The following LPA variants were observed in gnomAD, a reference collection of about 807,000 sequenced individuals.
LPA encodes apolipoprotein(a).
Under a neutral mutation model 197.9 loss-of-function variants are expected in LPA, and 199 were observed. That is an observed-to-expected ratio of 1.01 (90% CI 0.90 to 1.13). The LOEUF is 1.13. LPA is among the 50% of genes most tolerant of loss of function. The pLI is 0.00. For missense variants in LPA, 1,853 were observed against 1,785.8 expected (o/e 1.04, Z -0.68); for synonymous variants, 715 against 639.5 (o/e 1.12, Z -1.78).
intron 1 of LPA, among the ~76,000 whole-genome samples, chr6:160,659,681 G>A (rs906476229): frequency 3.9e-5 from 6 of 152,186 alleles, no homozygotes; most frequent in Non-Finnish European, 7.3e-5. Flanking sequence ...CCTCCCCAGA[G>A]AAGCACAGAG....
At chr6:160,606,433 T>A (rs1387242028) in intron 17 of LPA, 44 bp downstream of exon 17, 2 of 1,606,148 alleles carry the variant, frequency 1.2e-6, no homozygotes, top group Non-Finnish European at 1.7e-6. Flanking sequence ...TGGCTTTTCA[T>A]CCCAGCATCG....
chr6:160,608,440 G>A (rs949608093), intron 16 of LPA, among the ~76,000 whole-genome samples: 9 of 152,076 alleles, frequency 5.9e-5, no homozygotes, highest in Admixed American at 2.0e-4. Context: ...TGTTTTTGAC[G>A]AGAATGCATT....
At chr6:160,565,017 C>T (rs970165273) in intron 28 of LPA, among the ~76,000 whole-genome samples, 9 of 152,286 alleles carry the variant, frequency 5.9e-5, no homozygotes, top group South Asian at 2.1e-4. Flanking sequence ...GTAAACAAAG[C>T]GACCAGGAAG....
At chr6:160,567,040 T>C (rs562155360) in intron 28 of LPA, among the ~76,000 whole-genome samples, 2 of 152,108 alleles carry the variant, frequency 1.3e-5, no homozygotes, top group African/African-American at 2.4e-5. Context: ...CACACAATAA[T>C]AATGGGAGAC....
intron 28 of LPA, among the ~76,000 whole-genome samples, chr6:160,576,497 TATAA>T (rs990787340): frequency 1.4e-5 from 2 of 143,296 alleles, no homozygotes; most frequent in African/African-American, 5.1e-5. Context: ...AATATTTATA[TATAA>T]ATATTTAAAA....
At chr6:160,563,791 T>C (rs1430236353) in intron 28 of LPA, among the ~76,000 whole-genome samples, 1 of 152,384 alleles carries the variant, frequency 6.6e-6, no homozygotes, top group East Asian at 1.9e-4. Flanking sequence ...ATCTTCTTGT[T>C]GCATTGATAC....
chr6:160,598,409 G>A (rs945651821), intron 20 of LPA, among the ~76,000 whole-genome samples: 3 of 152,186 alleles, frequency 2.0e-5, no homozygotes, highest in Non-Finnish European at 2.9e-5. Flanking sequence ...CATGGCTACA[G>A]TCAGCTTGGG....
chr6:160,606,960 G>A (rs1249892307), intron 16 of LPA, among the ~76,000 whole-genome samples: 2 of 152,058 alleles, frequency 1.3e-5, no homozygotes, highest in Admixed American at 6.5e-5. Flanking sequence ...TCTGCCTTCT[G>A]CCCAATCCAT....
At chr6:160,634,549 C>T (rs1460008343) in intron 7 of LPA, among the ~76,000 whole-genome samples, 1 of 142,208 alleles carries the variant, frequency 7.0e-6, no homozygotes. Context: ...CTCACAGGTA[C>T]AAGTGCCATC....
At chr6:160,542,842 G>A in intron 33 of LPA, 34 bp from the exon 34 acceptor site, 3 of 1,613,368 alleles carry the variant, frequency 1.9e-6, no homozygotes, top group Non-Finnish European at 8.5e-7. Flanking sequence ...AGTCGCATTT[G>A]AGTCCAAGTT....
intron 26 of LPA, among the ~76,000 whole-genome samples, chr6:160,581,244 T>C (rs574496710): frequency 1.5e-4 from 23 of 152,296 alleles, no homozygotes; most frequent in Non-Finnish European, 2.8e-4. Flanking sequence ...AAATTTATGC[T>C]GACCCTTTTC....
In LPA at chr6:160,593,919, G is replaced by T. The variant is rs755560331; in HGVS notation, c.3629+39C>A. 2.5e-6 allele frequency: 4 copies of T among 1,610,688 alleles called. No homozygotes were observed. In the East Asian group the frequency reaches 8.9e-5, roughly 36 times the overall value. ...TGGCCCTTCCAAGAGAAATGTAAGG[G>T]GGCTGCTGTCTGTCTTTGAAGAAAA... is the stretch of plus-strand genomic sequence containing the variant. On this transcript the variant is annotated intron_variant, in intron 22 of 38. Coordinates refer to ENST00000316300, the MANE Select transcript of LPA (RefSeq NM_005577.4).
At chr6:160,587,248 C>T (rs1158193451) in intron 24 of LPA, among the ~76,000 whole-genome samples, 1 of 152,160 alleles carries the variant, frequency 6.6e-6, no homozygotes, top group African/African-American at 2.4e-5. Context: ...ATCTGTTTAG[C>T]CAGACTTTGG....
chr6:160,548,078 A>G, intron 31 of LPA, 141 bp from the exon 32 acceptor site: 1 of 784,120 alleles, frequency 1.3e-6, no homozygotes, highest in Non-Finnish European at 2.1e-6. Context: ...CAGGAGCCAC[A>G]ACGCTGAAGA....
intron 28 of LPA, among the ~76,000 whole-genome samples, chr6:160,561,562 T>G (rs1310357042): frequency 3.3e-5 from 5 of 152,246 alleles, no homozygotes; most frequent in Non-Finnish European, 7.3e-5. Context: ...AGGCCCTTTT[T>G]CTATTCCATA....
intron 30 of LPA, among the ~76,000 whole-genome samples, chr6:160,552,945 G>A (rs989374787): frequency 1.3e-5 from 2 of 151,808 alleles, no homozygotes; most frequent in African/African-American, 4.8e-5. Flanking sequence ...TTGCATAAAA[G>A]GACTATTCCT....
At chr6:160,544,583 A>G (rs1778033803) in intron 33 of LPA, among the ~76,000 whole-genome samples, 1 of 152,146 alleles carries the variant, frequency 6.6e-6, no homozygotes, top group Non-Finnish European at 1.5e-5. Context: ...AGGCAATCTC[A>G]GGATGCTGGT....
At chr6:160,634,455 C>T (rs200857928) in intron 7 of LPA, among the ~76,000 whole-genome samples, 1,217 of 126,658 alleles carry the variant, frequency 9.6e-3, no homozygotes, top group Middle Eastern at 0.03. Context: ...ACCTTCTTCC[C>T]TTGGAGGAGG....
rs201388738 is a variant in LPA at position 160,583,003 on chromosome 6, C to CT, written c.4289+2042dup. 9.9e-3 allele frequency among the ~76,000 whole-genome samples: 1,507 copies of CT among 151,774 alleles called. 25 individuals are homozygous for CT. The highest frequency in any genetic ancestry group is 0.034 in the African/African-American group (1,424 of 41,398). ...AGTGATTTTCTCATTAAAGAGATGTCTTTTTTTTCAGTTCTTGACTCTCCA... is the reference window on the plus strand; with the variant it reads ...AGTGATTTTCTCATTAAAGAGATGTCTTTTTTTTTCAGTTCTTGACTCTCCA... On this transcript the variant is annotated intron_variant, in intron 26 of 38. Coordinates refer to ENST00000316300, the MANE Select transcript of LPA (RefSeq NM_005577.4).
Sources: allele counts gnomAD v4.1 joint callset (sites outside exome capture counted in the v4.1 genomes callset), GRCh38; gene constraint gnomAD v4.1.1; transcripts MANE v1.5; gene names NCBI Gene and HGNC (gene_info 2026-07-23, HGNC 2026-07-21).